MYO9B: variants seen among roughly 807,000 people sequenced by gnomAD.
MYO9B encodes the protein unconventional myosin-IXb.
MYO9B carries 71 observed loss-of-function variants against 229.5 expected under a neutral mutation model. The ratio of observed to expected loss-of-function variants is 0.31; its 90% CI spans 0.26 to 0.38. The LOEUF (loss-of-function observed/expected upper bound fraction) is 0.38, where lower values mean the gene tolerates loss of function less well. Among genes scored for constraint, MYO9B ranks in the 10% least tolerant of loss-of-function variants. The pLI, the probability that MYO9B is intolerant of heterozygous loss-of-function variation, is 1.00. For synonymous variants in MYO9B, 1,185 were observed against 1,235.8 expected (o/e 0.96, Z 0.86); for missense variants, 2,255 against 2,920.5 (o/e 0.77, Z 5.25).
intron 2 of MYO9B, among the ~76,000 whole-genome samples, chr19:17,113,991 G>T (rs1361196567): frequency 2.0e-5 from 3 of 152,054 alleles, no homozygotes; most frequent in African/African-American, 7.2e-5. Flanking sequence ...GGATCATTCC[G>T]TTATGGCCAG....
chr19:17,116,031 C>CAGAG (rs1040036440), intron 2 of MYO9B, among the ~76,000 whole-genome samples: 4 of 151,580 alleles, frequency 2.6e-5, no homozygotes, highest in African/African-American at 9.7e-5. Flanking sequence ...CTCTGCCCCA[C>CAGAG]AGCTGGGAGT....
chr19:17,108,753 A>G (rs946092966), intron 2 of MYO9B, among the ~76,000 whole-genome samples: 1 of 152,184 alleles, frequency 6.6e-6, no homozygotes, highest in South Asian at 2.1e-4. Flanking sequence ...GTCTTGCTCT[A>G]TCGCCCAGGC....
intron 2 of MYO9B, among the ~76,000 whole-genome samples, chr19:17,118,454 T>A (rs116683897): frequency 0.012 from 1,860 of 152,026 alleles, 54 homozygotes; most frequent in African/African-American, 0.042. Flanking sequence ...TAAAATTTTT[T>A]AAAATGAATT....
rs200137248 is a variant in MYO9B, at chr19:17,162,449, G to T, written c.1519G>T (p.Val507Leu). Residue 507 changes from valine to leucine, a missense_variant, in exon 9 of 40, where the codon GTG becomes TTG. Physicochemically the swap from Val to Leu is conservative, Grantham distance 32. This residue lies in a region of MYO9B where 220 missense variants were observed against 404.5 expected (regional missense o/e 0.54). Coordinates refer to ENST00000682292, the MANE Select transcript of MYO9B (RefSeq NM_004145.4). ...CCACGCACTCCTCAACAAGAAGGAC[G>T]TGGAAGAGGCAGTCTCGGTGAGTGC... ...INHALLNKKD[V>L]EEAVSCLSIG... is the part of the protein sequence containing the mutation. 7 of 1,571,674 alleles carry T rather than the reference G, an allele frequency of 4.5e-6. No homozygotes were observed. The highest frequency in any genetic ancestry group is 6.0e-6 in the Non-Finnish European group (7 of 1,159,706).
rs374324363 is a variant in MYO9B at position 17,191,239 on chromosome 19, G to A, written c.2811+20G>A. The stretch of plus-strand genomic sequence containing the variant: ...ACCAAGGTCAGCGCTCCTGCCCCTC[G>A]GGGCACTACAAACCCACACCCTGCC... On this transcript the variant is annotated intron_variant, in intron 20 of 39. Transcript: ENST00000682292. The A allele has an allele frequency of 6.5e-5, 105 of 1,607,198 alleles. No homozygotes were observed. In the East Asian group the frequency reaches 2.0e-3, roughly 30 times the overall value.
intron 38 of MYO9B, 133 bp from the exon 39 acceptor site, chr19:17,211,514 A>G (rs887543164): frequency 3.6e-6 from 3 of 844,580 alleles, no homozygotes; most frequent in Admixed American, 6.3e-5. Flanking sequence ...GGCTCAAGCA[A>G]TCCTCCTGCT....
chr19:17,186,884 C>T (rs753165575), intron 18 of MYO9B, among the ~76,000 whole-genome samples: 8 of 152,034 alleles, frequency 5.3e-5, no homozygotes, highest in Non-Finnish European at 1.2e-4. Context: ...GTGCCCACCA[C>T]GCCAAGCTAA....
intron 1 of MYO9B, among the ~76,000 whole-genome samples, chr19:17,079,013 T>C (rs2057511120): frequency 6.6e-6 from 1 of 152,216 alleles, no homozygotes; most frequent in Admixed American, 6.5e-5. Flanking sequence ...CACTGTAGAA[T>C]GTGGAATAGT....
chr19:17,138,563 C>A (rs1340046875), intron 2 of MYO9B, among the ~76,000 whole-genome samples: 1 of 152,032 alleles, frequency 6.6e-6, no homozygotes, highest in Non-Finnish European at 1.5e-5. Flanking sequence ...ACAGGCGTGA[C>A]CACTGCGCCC....
chr19:17,184,238 C>T (rs945600539), intron 16 of MYO9B, among the ~76,000 whole-genome samples: 34 of 152,184 alleles, frequency 2.2e-4, no homozygotes, highest in African/African-American at 7.7e-4. Context: ...CCTGCCCCAA[C>T]GTAATGGGAC....
chr19:17,207,302 G>A (rs572648371), intron 35 of MYO9B, 58 bp downstream of exon 35: 13 of 1,556,916 alleles, frequency 8.3e-6, no homozygotes, highest in Admixed American at 5.7e-5. Flanking sequence ...AGGACCCCAC[G>A]ACAGCTCCAT....
chr19:17,130,710 G>A (rs887033348), intron 2 of MYO9B, among the ~76,000 whole-genome samples: 2 of 151,958 alleles, frequency 1.3e-5, no homozygotes, highest in South Asian at 2.1e-4. Context: ...CTTGAACCTG[G>A]GGGGCGGAGG....
intron 1 of MYO9B, among the ~76,000 whole-genome samples, chr19:17,082,216 T>A (rs2057539907): frequency 6.6e-6 from 1 of 151,432 alleles, no homozygotes; most frequent in African/African-American, 2.4e-5. Context: ...CAGCCAGGAG[T>A]CACGAGCATG....
At chr19:17,182,227 G>A (rs564756364) in intron 15 of MYO9B, among the ~76,000 whole-genome samples, 1 of 151,948 alleles carries the variant, frequency 6.6e-6, no homozygotes, top group African/African-American at 2.4e-5. Context: ...CTACAGGTGC[G>A]CATTACCACA....
intron 10 of MYO9B, 142 bp downstream of exon 10, chr19:17,163,264 C>T: frequency 2.2e-6 from 2 of 898,676 alleles, no homozygotes; most frequent in Non-Finnish European, 1.6e-6. Flanking sequence ...CAAACGCCAC[C>T]ACCATACATC....
Position 17,109,032 on chromosome 19 carries a change from T to TTTTATTTA in MYO9B, c.840+6519_840+6526dup, listed in dbSNP as rs150315844. ...CTGGCCCCAAGAATCTTTTTTTTAA[T>TTTTATTTA]TTTATTTATTTATTTATTTATTTAT... On this transcript the variant is annotated intron_variant, in intron 2 of 39. Transcript: ENST00000682292. Among the ~76,000 whole-genome samples the TTTTATTTA allele has an allele frequency of 1.4e-3, 185 of 136,616 alleles. 2 individuals are homozygous for TTTTATTTA. Among genetic ancestry groups the TTTTATTTA allele is most frequent in the South Asian group, 2.4e-3 (10 of 4,220 alleles). The allele number at this position is 136,616 out of a possible 152,430, so 89.6% of individuals were successfully genotyped here. A position where few individuals can be genotyped will look rare whatever the true frequency, so the allele number is the denominator to read the frequency against.
At chr19:17,176,510 C>T (rs563360148) in intron 14 of MYO9B, among the ~76,000 whole-genome samples, 1 of 152,336 alleles carries the variant, frequency 6.6e-6, no homozygotes, top group South Asian at 2.1e-4. Flanking sequence ...GAATAAGTCA[C>T]TGAGCTTCCA....
intron 2 of MYO9B, among the ~76,000 whole-genome samples, chr19:17,142,799 T>G (rs1011868248): frequency 6.6e-6 from 1 of 152,168 alleles, no homozygotes; most frequent in Middle Eastern, 3.2e-3. Flanking sequence ...CATTTACAAA[T>G]GTGAAAACCA....
At chr19:17,170,670 A>AAAAAAAAC (rs1568283598) in intron 11 of MYO9B, among the ~76,000 whole-genome samples, 3 of 113,090 alleles carry the variant, frequency 2.7e-5, no homozygotes, top group African/African-American at 1.2e-4. Flanking sequence ...AAAAAAAAAA[A>AAAAAAAAC]AAAACTAGCT....
Sources: gnomAD v4.1 joint callset for allele counts (sites outside exome capture counted in the v4.1 genomes callset) on GRCh38, gnomAD v4.1.1 for gene constraint, gnomAD v4.1.1 regional missense constraint, MANE v1.5 for transcripts, NCBI Gene and HGNC (gene_info 2026-07-23, HGNC 2026-07-21) for gene names.